LPP: variants seen among roughly 807,000 people sequenced by gnomAD.
LPP encodes the protein LIM domain containing preferred translocation partner in lipoma.
A neutral mutation model predicts 60.4 loss-of-function variants in LPP; 38 were observed. The ratio of observed to expected loss-of-function variants is 0.63; its 90% confidence interval spans 0.49 to 0.83. The LOEUF (loss-of-function observed/expected upper bound fraction) is 0.83, where lower values mean the gene tolerates loss of function less well. LPP is among the 40% of genes least tolerant of loss of function. The pLI is 0.00. For missense variants in LPP, 902 were observed against 783.6 expected (o/e 1.15, Z -1.80); for synonymous variants, 328 against 290.8 (o/e 1.13, Z -1.30).
At chr3:188,761,166 T>A (rs185897869) in intron 9 of LPP, among the ~76,000 whole-genome samples, 7 of 152,336 alleles carry the variant, frequency 4.6e-5, no homozygotes, top group African/African-American at 1.7e-4. Flanking sequence ...ACAGTCATGG[T>A]TTGTCCCTCA....
intron 7 of LPP, among the ~76,000 whole-genome samples, chr3:188,707,052 T>C (rs1032982454): frequency 3.3e-5 from 5 of 152,196 alleles, no homozygotes; most frequent in African/African-American, 1.2e-4. Context: ...TTTATTCCTT[T>C]TTTACATACT....
intron 5 of LPP, among the ~76,000 whole-genome samples, chr3:188,496,019 G>A (rs1037613718): frequency 6.6e-5 from 10 of 152,078 alleles, no homozygotes; most frequent in African/African-American, 2.2e-4. Flanking sequence ...AGCATGGGGT[G>A]TTTATACCAA....
chr3:188,692,952 T>C (rs891865959), intron 7 of LPP, among the ~76,000 whole-genome samples: 1 of 152,202 alleles, frequency 6.6e-6, no homozygotes, highest in African/African-American at 2.4e-5. Flanking sequence ...ATTAGATGAT[T>C]TGATTAGAAA....
At chr3:188,760,799 T>G (rs1015645988) in intron 9 of LPP, among the ~76,000 whole-genome samples, 2 of 152,224 alleles carry the variant, frequency 1.3e-5, no homozygotes, top group Admixed American at 1.3e-4. Flanking sequence ...CCAACAGGTT[T>G]TTAATGATGC....
intron 9 of LPP, among the ~76,000 whole-genome samples, chr3:188,807,883 G>A (rs2151265310): frequency 6.6e-6 from 1 of 152,238 alleles, no homozygotes; most frequent in East Asian, 1.9e-4. Flanking sequence ...TCTCTTGACA[G>A]TGTGTTGTTA....
chr3:188,424,314 A>T (rs1408558371), intron 4 of LPP, among the ~76,000 whole-genome samples: 2 of 152,058 alleles, frequency 1.3e-5, no homozygotes, highest in African/African-American at 4.8e-5. Flanking sequence ...ATTGGTCTAT[A>T]TATCTGTTTT....
At chr3:188,547,602 C>G (rs1826996596) in intron 6 of LPP, among the ~76,000 whole-genome samples, 1 of 152,058 alleles carries the variant, frequency 6.6e-6, no homozygotes, top group African/African-American at 2.4e-5. Context: ...CTTTTTTTTA[C>G]TTGGCATTTG....
At chr3:188,781,093 A>G (rs1290872166) in intron 9 of LPP, among the ~76,000 whole-genome samples, 1 of 152,234 alleles carries the variant, frequency 6.6e-6, no homozygotes, top group African/African-American at 2.4e-5. Context: ...CACCGGGAGA[A>G]ATAAAGAGGG....
At chr3:188,789,186 C>G (rs1742881251) in intron 9 of LPP, among the ~76,000 whole-genome samples, 1 of 152,004 alleles carries the variant, frequency 6.6e-6, no homozygotes, top group Non-Finnish European at 1.5e-5. Context: ...AATAGACTAC[C>G]ATATAGTGTA....
At chr3:188,765,910 G>T (rs776973541) in intron 9 of LPP, among the ~76,000 whole-genome samples, 2 of 119,054 alleles carry the variant, frequency 1.7e-5, no homozygotes, top group African/African-American at 6.7e-5. Context: ...TCTCTCTGTC[G>T]CCCAGGCTGG....
intron 3 of LPP, among the ~76,000 whole-genome samples, chr3:188,400,031 T>A (rs894950222): frequency 6.6e-6 from 1 of 152,188 alleles, no homozygotes; most frequent in Non-Finnish European, 1.5e-5. Context: ...CATAGCCTTT[T>A]GTAGTTATTT....
chr3:188,413,439 C>A (rs1020496132), intron 4 of LPP, among the ~76,000 whole-genome samples: 1 of 152,062 alleles, frequency 6.6e-6, no homozygotes, highest in Non-Finnish European at 1.5e-5. Flanking sequence ...TATAAGTATG[C>A]GTGTTATGCC....
At chr3:188,714,942 C>A (rs1415015683) in intron 8 of LPP, among the ~76,000 whole-genome samples, 1 of 152,010 alleles carries the variant, frequency 6.6e-6, no homozygotes, top group Non-Finnish European at 1.5e-5. Context: ...AAATTCTTAC[C>A]CAGTTCAATA....
chr3:188,753,246 AGGACAGT>A (rs1728670913), intron 8 of LPP, among the ~76,000 whole-genome samples: 1 of 152,250 alleles, frequency 6.6e-6, no homozygotes, highest in African/African-American at 2.4e-5. Flanking sequence ...TGAAATGCTT[AGGACAGT>A]GCTGAGCACA....
chr3:188,767,540 T>C (rs749796474), intron 9 of LPP, among the ~76,000 whole-genome samples: 1 of 152,198 alleles, frequency 6.6e-6, no homozygotes, highest in East Asian at 1.9e-4. Flanking sequence ...TACACTGATC[T>C]ATGCAAACAA....
intron 2 of LPP, among the ~76,000 whole-genome samples, chr3:188,232,504 A>ATTTTTTTT (rs71634069): frequency 7.1e-4 from 73 of 103,232 alleles, no homozygotes; most frequent in Admixed American, 9.8e-4. Context: ...ACACCCGGCT[A>ATTTTTTTT]TTTTTTTTTT....
At chr3:188,602,119 CAT>C (rs745894414) in intron 6 of LPP, among the ~76,000 whole-genome samples, 3 of 125,396 alleles carry the variant, frequency 2.4e-5, no homozygotes, top group East Asian at 4.0e-4. Context: ...CACACACACA[CAT>C]ATATATAGCA....
intron 1 of LPP, among the ~76,000 whole-genome samples, chr3:188,166,719 G>C (rs909710930): frequency 2.0e-5 from 3 of 152,226 alleles, no homozygotes; most frequent in East Asian, 1.9e-4. Flanking sequence ...GCAGATCTCT[G>C]AGTCCGGCTC....
At chr3:188,863,593 G>T (rs1190085044) in intron 9 of LPP, among the ~76,000 whole-genome samples, 1 of 152,192 alleles carries the variant, frequency 6.6e-6, no homozygotes, top group Non-Finnish European at 1.5e-5. Flanking sequence ...ACTGAAAGGG[G>T]AAGATTGCAG....
Sources: gnomAD v4.1 joint callset for allele counts (sites outside exome capture counted in the v4.1 genomes callset) on GRCh38, gnomAD v4.1.1 for gene constraint, MANE v1.5 for transcripts, NCBI Gene and HGNC (gene_info 2026-07-23, HGNC 2026-07-21) for gene names.